CCNY: variants seen among roughly 807,000 people sequenced by gnomAD.
CCNY encodes cyclin-Y.
A neutral mutation model predicts 42.8 loss-of-function variants in CCNY; 19 were observed. The ratio of observed to expected loss-of-function variants is 0.44; its 90% CI spans 0.31 to 0.65. The LOEUF is 0.65. CCNY is among the 30% of genes least tolerant of loss of function. The pLI, the probability that CCNY is intolerant of heterozygous loss-of-function variation, is 0.07. For synonymous variants in CCNY, 165 were observed against 162.7 expected (o/e 1.01, Z -0.11); for missense variants, 370 against 437.3 (o/e 0.85, Z 1.37).
intron 1 of CCNY, among the ~76,000 whole-genome samples, chr10:35,380,339 C>T (rs888647391): frequency 1.3e-5 from 2 of 152,202 alleles, no homozygotes; most frequent in African/African-American, 4.8e-5. Context: ...TCTCTAATGT[C>T]TTTCCCTTTC....
chr10:35,271,560 C>A (rs1296950281), intron 3 of CCNY, among the ~76,000 whole-genome samples: 2 of 152,210 alleles, frequency 1.3e-5, no homozygotes, highest in Non-Finnish European at 1.5e-5. Context: ...CAGAGCCTAA[C>A]CTGCTAGGCT....
At chr10:35,480,133 A>G (rs1454039002) in intron 1 of CCNY, among the ~76,000 whole-genome samples, 1 of 151,940 alleles carries the variant, frequency 6.6e-6, no homozygotes, top group Non-Finnish European at 1.5e-5. Context: ...AAGTCTCTGA[A>G]CTCTGCAAGT....
chr10:35,417,759 G>A (rs1358283329), intron 1 of CCNY, among the ~76,000 whole-genome samples: 4 of 152,186 alleles, frequency 2.6e-5, no homozygotes, highest in African/African-American at 9.7e-5. Context: ...ATCTATCAGA[G>A]CCCAATCTGT....
At chr10:35,550,167 C>T (rs1471730558) in intron 7 of CCNY, among the ~76,000 whole-genome samples, 7 of 114,996 alleles carry the variant, frequency 6.1e-5, no homozygotes, top group East Asian at 2.8e-4. Flanking sequence ...CTACAGTGCT[C>T]GTGACCCTGC....
chr10:35,337,032 A>T lies in CCNY; in HGVS notation c.-22A>T, dbSNP rs765536598. On this transcript the variant is annotated 5_prime_UTR_variant, in exon 1 of 10. Coordinates refer to ENST00000374704, the MANE Select transcript of CCNY (RefSeq NM_145012.6). Reference sequence around the variant, plus strand: ...GGGACTGGGAGAACAGGATAGCAGCAGGAGTCGGGGGGCCGCCGAAGATGG... The same window carrying T: ...GGGACTGGGAGAACAGGATAGCAGCTGGAGTCGGGGGGCCGCCGAAGATGG... 1.3e-6 allele frequency: 2 copies of T among 1,540,006 alleles called. No homozygotes were observed. Among genetic ancestry groups the T allele is most frequent in the Non-Finnish European group, 1.8e-6 (2 of 1,141,428 alleles).
chr10:35,437,679 A>ACAC (rs1277721178), intron 1 of CCNY, among the ~76,000 whole-genome samples: 1 of 151,924 alleles, frequency 6.6e-6, no homozygotes, highest in African/African-American at 2.4e-5. Context: ...AAACCAAAAA[A>ACAC]CACCACCACC....
chr10:35,300,227 C>T (rs900233408), intron 3 of CCNY, among the ~76,000 whole-genome samples: 1 of 152,220 alleles, frequency 6.6e-6, no homozygotes, highest in Admixed American at 6.5e-5. Flanking sequence ...TGTGGTACCC[C>T]GCCCTGGAAA....
intron 3 of CCNY, among the ~76,000 whole-genome samples, chr10:35,298,787 G>T (rs767515039): frequency 3.4e-4 from 52 of 152,180 alleles, no homozygotes; most frequent in Non-Finnish European, 6.5e-4. Flanking sequence ...CTCTCAAAGT[G>T]CTGAGATTAC....
At chr10:35,280,030 C>T (rs1269785094) in intron 3 of CCNY, among the ~76,000 whole-genome samples, 1 of 151,966 alleles carries the variant, frequency 6.6e-6, no homozygotes, top group Non-Finnish European at 1.5e-5. Flanking sequence ...ATAAAAACTG[C>T]TATTGTTCAG....
chr10:35,313,890 C>T (rs536446026), intron 3 of CCNY, among the ~76,000 whole-genome samples: 111 of 148,122 alleles, frequency 7.5e-4, no homozygotes, highest in Non-Finnish European at 1.0e-3. Context: ...GTGGGAGGAT[C>T]ACTTCAGCCT....
At chr10:35,276,307 G>T (rs1023597931) in intron 3 of CCNY, among the ~76,000 whole-genome samples, 4 of 152,084 alleles carry the variant, frequency 2.6e-5, no homozygotes, top group African/African-American at 9.7e-5. Flanking sequence ...GATTCTAATG[G>T]CTGCTACTCG....
chr10:35,534,196 T>TAGA (rs975707747), intron 7 of CCNY, among the ~76,000 whole-genome samples: 1 of 152,012 alleles, frequency 6.6e-6, no homozygotes, highest in Non-Finnish European at 1.5e-5. Flanking sequence ...TAATTTTTCT[T>TAGA]GAATTTTTAG....
intron 1 of CCNY, among the ~76,000 whole-genome samples, chr10:35,343,269 A>C (rs1836225067): frequency 6.6e-6 from 1 of 151,052 alleles, no homozygotes; most frequent in African/African-American, 2.4e-5. Context: ...GATTACAGGC[A>C]TGAGCCACTG....
intron 8 of CCNY, among the ~76,000 whole-genome samples, chr10:35,556,418 C>T (rs747515536): frequency 6.6e-5 from 10 of 152,134 alleles, no homozygotes; most frequent in Non-Finnish European, 1.0e-4. Context: ...TGAGTCCTTG[C>T]GTGTTCAGAT....
chr10:35,317,602 T>C (rs1835775205), intron 3 of CCNY, among the ~76,000 whole-genome samples: 1 of 152,244 alleles, frequency 6.6e-6, no homozygotes, highest in Admixed American at 6.5e-5. Context: ...GCATGAAGAC[T>C]GCACTGTGAC....
chr10:35,491,767 C>T (rs1356289858), intron 2 of CCNY, among the ~76,000 whole-genome samples: 1 of 152,072 alleles, frequency 6.6e-6, no homozygotes, highest in African/African-American at 2.4e-5. Context: ...GTGCCTGCCC[C>T]CACACCTGGC....
Position 35,530,511 on chromosome 10 carries a change from G to T in CCNY, c.579+268G>T, listed in dbSNP as rs755487913. 1.3e-5 allele frequency among the ~76,000 whole-genome samples: 2 copies of T among 152,224 alleles called. No individual in the cohort carries two copies. Among genetic ancestry groups the T allele is most frequent in the Non-Finnish European group, 2.9e-5 (2 of 68,044 alleles). ...GGAAATGCTGAAATTAAAAATGCAG[G>T]TAAGTAAAACAGTAGGGCTAAGAGA... On this transcript the variant is annotated intron_variant, in intron 7 of 9. Transcript: ENST00000374704. The surrounding 1 kb of genome is among the most constrained non-coding windows in gnomAD (Gnocchi z 4.3).
intron 3 of CCNY, among the ~76,000 whole-genome samples, chr10:35,512,400 A>G (rs1302197842): frequency 1.3e-5 from 2 of 152,194 alleles, no homozygotes; most frequent in African/African-American, 4.8e-5. Context: ...GGAAGAAGAA[A>G]AGACCATTAC....
intron 1 of CCNY, among the ~76,000 whole-genome samples, chr10:35,405,338 A>G (rs1837734530): frequency 6.6e-6 from 1 of 152,106 alleles, no homozygotes; most frequent in South Asian, 2.1e-4. Context: ...AGGAGGGAGT[A>G]GAGGTGTCCT....
Sources: allele counts gnomAD v4.1 joint callset (sites outside exome capture counted in the v4.1 genomes callset), GRCh38; gene constraint gnomAD v4.1.1; non-coding constraint Gnocchi (gnomAD v3.1); transcripts MANE v1.5; gene names NCBI Gene and HGNC (gene_info 2026-07-23, HGNC 2026-07-21).